Variants in CRIM1 observed in about 807,000 individuals in gnomAD.
The protein encoded by CRIM1 is cysteine-rich motor neuron 1 protein.
Under a neutral mutation model 116.4 loss-of-function variants are expected in CRIM1, and 32 were observed. The ratio of observed to expected loss-of-function variants is 0.27; its 90% CI spans 0.21 to 0.37. CRIM1 has a LOEUF of 0.37. Ranked by LOEUF, CRIM1 falls within the 10% of genes least tolerant of loss-of-function variation. CRIM1 has a pLI of 1.00. For missense variants in CRIM1, 1,331 were observed against 1,354.8 expected (o/e 0.98, Z 0.28); for synonymous variants, 590 against 509.2 (o/e 1.16, Z -2.13).
At chr2:36,507,421 G>A (rs150264521) in intron 8 of CRIM1, among the ~76,000 whole-genome samples, 1 of 152,296 alleles carries the variant, frequency 6.6e-6, no homozygotes, top group Non-Finnish European at 1.5e-5. Flanking sequence ...CAAGAACATT[G>A]ATTGATGCAT....
intron 2 of CRIM1, 146 bp downstream of exon 2, chr2:36,396,933 T>A: frequency 1.5e-6 from 1 of 673,326 alleles, no homozygotes; most frequent in Non-Finnish European, 2.4e-6. Context: ...GCATAAAGTT[T>A]ACCAGGTGCT....
At chr2:36,390,649 G>T (rs1285391529) in intron 1 of CRIM1, among the ~76,000 whole-genome samples, 1 of 151,808 alleles carries the variant, frequency 6.6e-6, no homozygotes, top group Non-Finnish European at 1.5e-5. Flanking sequence ...ATTTCTGCTT[G>T]CAGTTTCCCC....
intron 2 of CRIM1, among the ~76,000 whole-genome samples, chr2:36,406,606 G>A (rs1416385692): frequency 6.9e-6 from 1 of 144,350 alleles, no homozygotes; most frequent in Non-Finnish European, 1.5e-5. Context: ...GTTTAACTCT[G>A]CTAATATTTG....
chr2:36,394,635 A>G (rs1042891682), intron 1 of CRIM1, among the ~76,000 whole-genome samples: 1 of 151,702 alleles, frequency 6.6e-6, no homozygotes, highest in African/African-American at 2.4e-5. Context: ...ATATATATAT[A>G]TCTTATATAT....
intron 2 of CRIM1, among the ~76,000 whole-genome samples, chr2:36,425,503 T>G (rs974215835): frequency 9.8e-5 from 15 of 152,360 alleles, no homozygotes; most frequent in South Asian, 6.2e-4. Context: ...TTTAAATTAT[T>G]ATTGGAAGTT....
chr2:36,404,086 C>G (rs1672611023), intron 2 of CRIM1, among the ~76,000 whole-genome samples: 1 of 152,082 alleles, frequency 6.6e-6, no homozygotes, highest in African/African-American at 2.4e-5. Context: ...CCAAGTGTAT[C>G]TTATACAAAA....
intron 4 of CRIM1, among the ~76,000 whole-genome samples, chr2:36,457,465 G>T (rs1055199362): frequency 2.6e-5 from 4 of 152,194 alleles, no homozygotes; most frequent in African/African-American, 9.7e-5. Flanking sequence ...GCTGCGGGGG[G>T]AGAGTGTGAT....
chr2:36,476,791 C>T, intron 5 of CRIM1, 98 bp from the exon 6 acceptor site: 1 of 922,128 alleles, frequency 1.1e-6, no homozygotes, highest in Non-Finnish European at 1.7e-6. Flanking sequence ...AACTTATAAC[C>T]TCCTATTAGA....
chr2:36,387,142 T>C (rs182136735), intron 1 of CRIM1, among the ~76,000 whole-genome samples: 18 of 152,302 alleles, frequency 1.2e-4, no homozygotes, highest in Admixed American at 3.3e-4. Flanking sequence ...GCTGTTCTCT[T>C]AACACTCCTT....
chr2:36,467,904 C>T (rs1005673161), intron 5 of CRIM1, among the ~76,000 whole-genome samples: 4 of 152,208 alleles, frequency 2.6e-5, no homozygotes, highest in Non-Finnish European at 5.9e-5. Context: ...TGGATTTCAT[C>T]CCACTGAATG....
At chr2:36,512,206 C>T in intron 9 of CRIM1, 67 bp from the exon 10 acceptor site, 6 of 1,571,414 alleles carry the variant, frequency 3.8e-6, no homozygotes, top group Non-Finnish European at 5.2e-6. Flanking sequence ...GACCCTTGGT[C>T]TGAGTGCTTG....
intron 4 of CRIM1, among the ~76,000 whole-genome samples, chr2:36,458,433 G>A (rs1433972065): frequency 6.6e-6 from 1 of 152,150 alleles, no homozygotes; most frequent in Non-Finnish European, 1.5e-5. Context: ...TCTGGTCATT[G>A]TAGTAAAACA....
chr2:36,462,406 A>G (rs1312776348), intron 4 of CRIM1, among the ~76,000 whole-genome samples: 2 of 152,236 alleles, frequency 1.3e-5, no homozygotes, highest in Non-Finnish European at 2.9e-5. Flanking sequence ...GGTCAAACAT[A>G]AAAGGGGAAA....
At chr2:36,505,995 T>C (rs2125098500) in intron 8 of CRIM1, among the ~76,000 whole-genome samples, 1 of 152,278 alleles carries the variant, frequency 6.6e-6, no homozygotes, top group Non-Finnish European at 1.5e-5. Flanking sequence ...TTTATAAGAA[T>C]TTGTATTTAT....
chr2:36,424,378 G>A (rs1364097097), intron 2 of CRIM1, among the ~76,000 whole-genome samples: 1 of 152,202 alleles, frequency 6.6e-6, no homozygotes, highest in Non-Finnish European at 1.5e-5. Context: ...CAGATCTCTA[G>A]CAAAGTGCCC....
chr2:36,378,577 G>A, intron 1 of CRIM1: 1 of 345,540 alleles, frequency 2.9e-6, no homozygotes, highest in South Asian at 2.3e-5. Flanking sequence ...AGTTTATGCT[G>A]ATGCCATTTC....
chr2:36,404,121 C>T (rs1191749841), intron 2 of CRIM1, among the ~76,000 whole-genome samples: 3 of 152,120 alleles, frequency 2.0e-5, no homozygotes, highest in African/African-American at 7.2e-5. Flanking sequence ...GAAGCTGGCA[C>T]AGGAAGTGAC....
At chr2:36,475,136 G>C (rs1325624591) in intron 5 of CRIM1, among the ~76,000 whole-genome samples, 2 of 152,200 alleles carry the variant, frequency 1.3e-5, no homozygotes, top group South Asian at 2.1e-4. Context: ...CTACAAAAGA[G>C]CCAGCTAGGA....
At chr2:36,373,644 G>A (rs1451723551) in intron 1 of CRIM1, among the ~76,000 whole-genome samples, 1 of 152,186 alleles carries the variant, frequency 6.6e-6, no homozygotes, top group Non-Finnish European at 1.5e-5. Flanking sequence ...CCAGCAGAAT[G>A]GCCGTGGGAA....
Sources: gnomAD v4.1 joint callset for allele counts (sites outside exome capture counted in the v4.1 genomes callset) on GRCh38, gnomAD v4.1.1 for gene constraint, MANE v1.5 for transcripts, NCBI Gene and HGNC (gene_info 2026-07-23, HGNC 2026-07-21) for gene names.